The following SCHIP1 variants were observed in gnomAD, a reference collection of about 807,000 sequenced individuals.
The protein encoded by SCHIP1 is schwannomin-interacting protein 1.
A neutral mutation model predicts 29.7 loss-of-function variants in SCHIP1; 8 were observed. The observed-to-expected ratio is 0.27, with a 90% CI of 0.16 to 0.49. The LOEUF (loss-of-function observed/expected upper bound fraction) is 0.49, where lower values mean the gene tolerates loss of function less well. Among genes scored for constraint, SCHIP1 ranks in the 20% least tolerant of loss-of-function variants. SCHIP1 has a pLI of 0.99. For missense variants in SCHIP1, 193 were observed against 294.6 expected, an observed-to-expected ratio of 0.66 and a Z score of 2.52; for synonymous variants, 76 against 94.9, an observed-to-expected ratio of 0.80 and a Z score of 1.16.
At chr3:159,493,390 T>C in the SCHIP1 span, among the ~76,000 whole-genome samples, 38 of 151,968 alleles carry the variant, frequency 2.5e-4, no homozygotes, top group African/African-American at 8.7e-4. Flanking sequence ...AGGCTCAAAA[T>C]AAAGGGATGG....
chr3:159,425,162 T>C, the SCHIP1 span, among the ~76,000 whole-genome samples: 2 of 151,698 alleles, frequency 1.3e-5, no homozygotes, highest in East Asian at 1.9e-4. Flanking sequence ...GCTAACACCA[T>C]AATGACAGGA....
chr3:159,750,459 C>A, the SCHIP1 span, among the ~76,000 whole-genome samples: 1 of 151,894 alleles, frequency 6.6e-6, no homozygotes, highest in Non-Finnish European at 1.5e-5. Context: ...AGGTCCCCTA[C>A]AAGCAGATCC....
chr3:159,649,826 C>T, the SCHIP1 span, among the ~76,000 whole-genome samples: 1 of 152,066 alleles, frequency 6.6e-6, no homozygotes, highest in African/African-American at 2.4e-5. Context: ...ATAAAAGTGT[C>T]CTTTGCATCA....
At chr3:159,872,224 A>T (rs1715365706) in intron 2 of SCHIP1, among the ~76,000 whole-genome samples, 1 of 152,178 alleles carries the variant, frequency 6.6e-6, no homozygotes, top group African/African-American at 2.4e-5. Flanking sequence ...TGTGCTTAAT[A>T]TGCCATGGTT....
At chr3:159,426,988 T>C in the SCHIP1 span, among the ~76,000 whole-genome samples, 1 of 152,222 alleles carries the variant, frequency 6.6e-6, no homozygotes, top group Non-Finnish European at 1.5e-5. Flanking sequence ...TCAACAATGC[T>C]TCATGCTAAA....
chr3:159,311,589 A>G, the SCHIP1 span, among the ~76,000 whole-genome samples: 1 of 152,174 alleles, frequency 6.6e-6, no homozygotes, highest in Non-Finnish European at 1.5e-5. Context: ...ATTACGTAAT[A>G]TACACCAAAA....
At chr3:159,619,411 T>C in the SCHIP1 span, among the ~76,000 whole-genome samples, 10 of 152,140 alleles carry the variant, frequency 6.6e-5, no homozygotes, top group Admixed American at 6.6e-4. Flanking sequence ...GCCATTGCCA[T>C]TGGTTCCCCC....
chr3:159,877,125 G>A (rs1715907458), intron 2 of SCHIP1, among the ~76,000 whole-genome samples: 1 of 152,168 alleles, frequency 6.6e-6, no homozygotes, highest in African/African-American at 2.4e-5. Flanking sequence ...AAGGCAGGTG[G>A]ATCACCTGAG....
At chr3:159,755,662 A>C in the SCHIP1 span, among the ~76,000 whole-genome samples, 3 of 152,348 alleles carry the variant, frequency 2.0e-5, no homozygotes, top group African/African-American at 7.2e-5. Context: ...TTAACTCATA[A>C]GTCCACAGTC....
chr3:159,294,292 G>C, the SCHIP1 span, among the ~76,000 whole-genome samples: 1 of 152,146 alleles, frequency 6.6e-6, no homozygotes, highest in African/African-American at 2.4e-5. Context: ...GTAGCAGAAT[G>C]TCTGTGTGGT....
chr3:159,280,073 T>C, the SCHIP1 span, among the ~76,000 whole-genome samples: 2 of 152,176 alleles, frequency 1.3e-5, no homozygotes, highest in African/African-American at 4.8e-5. Context: ...TGGTGCTTAC[T>C]GTAATATGCA....
chr3:159,801,147 CA>C, the SCHIP1 span, among the ~76,000 whole-genome samples: 1 of 151,928 alleles, frequency 6.6e-6, no homozygotes, highest in African/African-American at 2.4e-5. Flanking sequence ...CAAATTTAGC[CA>C]AAATTTTCTT....
the SCHIP1 span, among the ~76,000 whole-genome samples, chr3:159,378,319 C>T: frequency 2.6e-5 from 4 of 152,084 alleles, no homozygotes; most frequent in Non-Finnish European, 5.9e-5. Flanking sequence ...AATAAGGTGG[C>T]ATGTAGAGGT....
At chr3:159,757,838 T>C in the SCHIP1 span, among the ~76,000 whole-genome samples, 1 of 152,206 alleles carries the variant, frequency 6.6e-6, no homozygotes, top group Non-Finnish European at 1.5e-5. Context: ...GCACTGACAA[T>C]GCTATTTTCT....
the SCHIP1 span, among the ~76,000 whole-genome samples, chr3:159,632,732 G>A: frequency 1.3e-5 from 2 of 152,172 alleles, no homozygotes; most frequent in African/African-American, 4.8e-5. Flanking sequence ...TCTGACTGAA[G>A]GGCAACTGAA....
chr3:159,283,162 A>AT, the SCHIP1 span, among the ~76,000 whole-genome samples: 129 of 151,892 alleles, frequency 8.5e-4, no homozygotes, highest in African/African-American at 2.9e-3. Flanking sequence ...TATATTTTTT[A>AT]TTTTTTTTGA....
the SCHIP1 span, among the ~76,000 whole-genome samples, chr3:159,817,392 G>C: frequency 2.0e-5 from 3 of 152,124 alleles, no homozygotes; most frequent in Admixed American, 1.3e-4. Context: ...CTTCACTGTG[G>C]TACAAAGCAA....
At chr3:159,493,109 C>T in the SCHIP1 span, among the ~76,000 whole-genome samples, 128 of 152,282 alleles carry the variant, frequency 8.4e-4, 3 homozygotes, top group South Asian at 0.022. Flanking sequence ...AAGTACTAAA[C>T]GTGGAAAGGA....
chr3:159,461,997 A>T, the SCHIP1 span, among the ~76,000 whole-genome samples: 1 of 151,912 alleles, frequency 6.6e-6, no homozygotes, highest in Non-Finnish European at 1.5e-5. Context: ...ATCACCTGAG[A>T]TCAGGGGTTC....
Sources: allele counts gnomAD v4.1 joint callset (sites outside exome capture counted in the v4.1 genomes callset), GRCh38; gene constraint gnomAD v4.1.1; transcripts MANE v1.5; gene names NCBI Gene and HGNC (gene_info 2026-07-23, HGNC 2026-07-21).